The following MAPKAPK2 variants were observed in gnomAD, a reference collection of about 807,000 sequenced individuals.
The protein encoded by MAPKAPK2 is MAPK activated protein kinase 2.
In MAPKAPK2, 9 loss-of-function variants were observed where a neutral mutation model predicts 48.8. That is an observed-to-expected ratio of 0.18 (90% CI 0.11 to 0.32). The LOEUF (loss-of-function observed/expected upper bound fraction) is 0.32, where lower values mean the gene tolerates loss of function less well. Ranked by LOEUF, MAPKAPK2 falls within the 10% of genes least tolerant of loss-of-function variation. MAPKAPK2 has a pLI of 1.00. For synonymous variants in MAPKAPK2, 202 were observed against 190.6 expected (o/e 1.06, Z -0.49); for missense variants, 331 against 498.3 (o/e 0.66, Z 3.20).
intron 1 of MAPKAPK2, among the ~76,000 whole-genome samples, chr1:206,708,933 T>C (rs1224005733): frequency 1.3e-5 from 2 of 152,242 alleles, no homozygotes; most frequent in Non-Finnish European, 2.9e-5. Flanking sequence ...AGTAGTTTGT[T>C]ATGCTGAGCA....
At chr1:206,715,066 G>GGTGA (rs1304877383) in intron 1 of MAPKAPK2, among the ~76,000 whole-genome samples, 2 of 152,126 alleles carry the variant, frequency 1.3e-5, no homozygotes, top group African/African-American at 4.8e-5. Context: ...TGTAATTCTG[G>GGTGA]GTGATTGTAA....
chr1:206,727,453 G>A (rs78132462), intron 1 of MAPKAPK2, among the ~76,000 whole-genome samples: 5,918 of 152,198 alleles, frequency 0.039, 253 homozygotes, highest in African/African-American at 0.1. Flanking sequence ...CCTGGTGATG[G>A]CAGCGAGGAT....
intron 1 of MAPKAPK2, among the ~76,000 whole-genome samples, chr1:206,715,629 C>CTTTTTTTTT (rs11349381): frequency 7.6e-6 from 1 of 131,570 alleles, no homozygotes; most frequent in African/African-American, 2.9e-5. Context: ...TTCTTTCTTT[C>CTTTTTTTTT]TTTTTTTTTT....
At chr1:206,719,669 T>C (rs1673453059) in intron 1 of MAPKAPK2, among the ~76,000 whole-genome samples, 1 of 152,206 alleles carries the variant, frequency 6.6e-6, no homozygotes, top group African/African-American at 2.4e-5. Flanking sequence ...CCCCAATCAA[T>C]GTAGAGGAAC....
At position 206,729,419 on chromosome 1, in the gene MAPKAPK2, A is replaced by G. The variant is rs1397768555; in HGVS notation, c.508A>G (p.Ile170Val). The part of the protein sequence containing the change: ...EREASEIMKS[I>V]GEAIQYLHSI... Reference sequence around the variant, plus strand: ...AGAAGCATCCGAAATCATGAAGAGCATCGGTGAGGCCATCCAGTATCTGCA... The same window carrying G: ...AGAAGCATCCGAAATCATGAAGAGCGTCGGTGAGGCCATCCAGTATCTGCA... The change falls in exon 4 of 10, where the codon ATC becomes GTC. Residue 170 changes from isoleucine to valine, a missense_variant. This residue lies in a region of MAPKAPK2 where 111 missense variants were observed against 193.6 expected (regional missense o/e 0.57). Coordinates refer to ENST00000367103, the MANE Select transcript of MAPKAPK2 (RefSeq NM_032960.4). 3.7e-6 allele frequency: 6 copies of G among 1,613,978 alleles called. No homozygotes were observed. The highest frequency in any genetic ancestry group is 2.7e-5 in the African/African-American group (2 of 74,918).
chr1:206,729,188 G>A, intron 3 of MAPKAPK2, 89 bp downstream of exon 3: 1 of 1,398,492 alleles, frequency 7.2e-7, no homozygotes, highest in Non-Finnish European at 1.0e-6. Context: ...TCTTGGGGAA[G>A]GGTGCTGAGG....
At position 206,685,306 on chromosome 1, in the gene MAPKAPK2, C is replaced by A. The variant is rs1558569683; in HGVS notation, c.77C>A (p.Pro26His). 1.9e-6 allele frequency: 2 copies of A among 1,045,672 alleles called. No homozygotes were observed. Among genetic ancestry groups the A allele is most frequent in the South Asian group, 3.1e-5 (2 of 65,204 alleles). The allele number at this position is 1,045,672 out of a possible 1,614,324, so 64.8% of individuals were successfully genotyped here. The change falls in exon 1 of 10, where the codon CCT becomes CAT. Residue 26 changes from proline to histidine, a missense_variant. Coordinates refer to ENST00000367103, the MANE Select transcript of MAPKAPK2 (RefSeq NM_032960.4). ...GCCCCGCCGCCGCAGCCCCCCACCC[C>A]TGCCCTGCCGCACCCCCCGGCGCAG... The part of the protein sequence containing the change: ...APAPPPQPPT[P>H]ALPHPPAQPP...
At chr1:206,708,934 A>G (rs2102394773) in intron 1 of MAPKAPK2, among the ~76,000 whole-genome samples, 1 of 152,328 alleles carries the variant, frequency 6.6e-6, no homozygotes, top group Non-Finnish European at 1.5e-5. Flanking sequence ...GTAGTTTGTT[A>G]TGCTGAGCAG....
intron 1 of MAPKAPK2, among the ~76,000 whole-genome samples, chr1:206,703,249 A>G (rs151330442): frequency 6.6e-6 from 1 of 152,364 alleles, no homozygotes; most frequent in East Asian, 1.9e-4. Context: ...TATTTAAACA[A>G]TAAGGTTTTT....
chr1:206,726,547 T>A (rs1283722667), intron 1 of MAPKAPK2, among the ~76,000 whole-genome samples: 1 of 152,252 alleles, frequency 6.6e-6, no homozygotes, highest in African/African-American at 2.4e-5. Flanking sequence ...CCGAGTTATC[T>A]AGTCATTGAT....
intron 1 of MAPKAPK2, among the ~76,000 whole-genome samples, chr1:206,703,613 A>G (rs1672864011): frequency 6.6e-6 from 1 of 152,182 alleles, no homozygotes; most frequent in South Asian, 2.1e-4. Context: ...CAACCCTGGC[A>G]TTTATCCTAA....
intron 1 of MAPKAPK2, among the ~76,000 whole-genome samples, chr1:206,691,621 TG>T (rs1476544230): frequency 6.6e-6 from 1 of 151,764 alleles, no homozygotes; most frequent in Non-Finnish European, 1.5e-5. Flanking sequence ...GTTTGTATGC[TG>T]CTAACAAGTT....
chr1:206,700,122 T>C (rs1169174647), intron 1 of MAPKAPK2, among the ~76,000 whole-genome samples: 1 of 152,024 alleles, frequency 6.6e-6, no homozygotes, highest in African/African-American at 2.4e-5. Context: ...GCAATGCTTT[T>C]CCTGTGTAGT....
chr1:206,721,937 C>A (rs1010545208), intron 1 of MAPKAPK2, among the ~76,000 whole-genome samples: 1 of 152,090 alleles, frequency 6.6e-6, no homozygotes, highest in African/African-American at 2.4e-5. Context: ...TGGTGGCACA[C>A]GCCTGTAATC....
intron 3 of MAPKAPK2, 141 bp from the exon 4 acceptor site, chr1:206,729,254 TG>T (rs782049086): frequency 3.7e-6 from 4 of 1,093,620 alleles, no homozygotes; most frequent in African/African-American, 1.5e-5. Context: ...GGGAAGCTCC[TG>T]GTGGCTTTGT....
chr1:206,689,624 A>C (rs1047330610), intron 1 of MAPKAPK2, among the ~76,000 whole-genome samples: 1 of 152,222 alleles, frequency 6.6e-6, no homozygotes, highest in East Asian at 1.9e-4. Context: ...ATGGCCTGTA[A>C]AATTTTGAGT....
chr1:206,718,119 A>T, intron 1 of MAPKAPK2, among the ~76,000 whole-genome samples: 1 of 152,258 alleles, frequency 6.6e-6, no homozygotes, highest in East Asian at 1.9e-4. Flanking sequence ...AGAAAATGTC[A>T]TCCATATTAC....
At chr1:206,687,515 G>C (rs545283051) in intron 1 of MAPKAPK2, among the ~76,000 whole-genome samples, 1 of 152,280 alleles carries the variant, frequency 6.6e-6, no homozygotes, top group East Asian at 1.9e-4. Context: ...TCCCACACAC[G>C]TCTTTGTGTT....
intron 1 of MAPKAPK2, among the ~76,000 whole-genome samples, chr1:206,691,739 G>A (rs1219484723): frequency 6.6e-6 from 1 of 152,028 alleles, no homozygotes; most frequent in African/African-American, 2.4e-5. Flanking sequence ...AGGCGGTGCT[G>A]CAGGCCAGAG....
Sources: allele counts gnomAD v4.1 joint callset (sites outside exome capture counted in the v4.1 genomes callset), GRCh38; gene constraint gnomAD v4.1.1; regional missense constraint gnomAD v4.1.1; transcripts MANE v1.5; gene names NCBI Gene and HGNC (gene_info 2026-07-23, HGNC 2026-07-21).